Variants in PEX5L observed in about 807,000 individuals in gnomAD.
PEX5L encodes the protein peroxisomal biogenesis factor 5 like.
In PEX5L, 30 loss-of-function variants were observed where a neutral mutation model predicts 84.0. The observed-to-expected ratio is 0.36, with a 90% confidence interval of 0.27 to 0.48. PEX5L has a LOEUF of 0.48. PEX5L is among the 20% of genes least tolerant of loss of function. The probability of loss-of-function intolerance (pLI) is 0.99; values close to 1 mark genes in which losing one functional copy is unlikely to be tolerated. For missense variants in PEX5L, 533 were observed against 754.6 expected, an observed-to-expected ratio of 0.71 and a Z score of 3.44; for synonymous variants, 270 against 283.1, an observed-to-expected ratio of 0.95 and a Z score of 0.46.
intron 8 of PEX5L, among the ~76,000 whole-genome samples, chr3:179,821,976 C>T (rs560776203): frequency 3.3e-5 from 5 of 152,220 alleles, no homozygotes; most frequent in African/African-American, 1.2e-4. Context: ...TAAGGTTAAA[C>T]AACAAAACAA....
At chr3:179,936,397 A>C (rs1422763817) in intron 2 of PEX5L, among the ~76,000 whole-genome samples, 1 of 152,224 alleles carries the variant, frequency 6.6e-6, no homozygotes, top group East Asian at 1.9e-4. Flanking sequence ...GAGAAAACCT[A>C]TCTCTTGGAT....
intron 1 of PEX5L, among the ~76,000 whole-genome samples, chr3:180,006,972 A>C (rs969682323): frequency 2.0e-4 from 30 of 152,282 alleles, no homozygotes; most frequent in Non-Finnish European, 1.2e-4. Context: ...TTTCAAAATC[A>C]ATCAGATCAA....
At chr3:180,023,794 A>G (rs1790643254) in intron 1 of PEX5L, among the ~76,000 whole-genome samples, 2 of 149,256 alleles carry the variant, frequency 1.3e-5, no homozygotes, top group African/African-American at 5.2e-5. Context: ...AGAGAGAGAG[A>G]GAGGGAGAGA....
intron 2 of PEX5L, among the ~76,000 whole-genome samples, chr3:179,953,310 C>A (rs1779607488): frequency 1.3e-5 from 2 of 152,254 alleles, no homozygotes; most frequent in South Asian, 2.1e-4. Context: ...TCAGAGTGAA[C>A]AAGCAACCTA....
chr3:179,927,636 C>T (rs767165282), intron 2 of PEX5L, among the ~76,000 whole-genome samples: 1 of 151,980 alleles, frequency 6.6e-6, no homozygotes, highest in African/African-American at 2.4e-5. Context: ...TGACTTTTTC[C>T]ATTTCATTTA....
At chr3:179,866,729 T>C (rs1748336036) in intron 7 of PEX5L, among the ~76,000 whole-genome samples, 1 of 151,904 alleles carries the variant, frequency 6.6e-6, no homozygotes, top group Non-Finnish European at 1.5e-5. Flanking sequence ...ACATTTGTCA[T>C]TGAAAGTACA....
chr3:179,821,289 G>T (rs1042144039), intron 8 of PEX5L, among the ~76,000 whole-genome samples: 7 of 152,076 alleles, frequency 4.6e-5, no homozygotes, highest in Non-Finnish European at 7.4e-5. Context: ...CTGAATCTGG[G>T]ACTGAAATTC....
At chr3:179,809,073 CAAAAAAA>C (rs10684376) in intron 12 of PEX5L, among the ~76,000 whole-genome samples, 69 of 47,768 alleles carry the variant, frequency 1.4e-3, no homozygotes, top group African/African-American at 4.8e-3. Flanking sequence ...GATTCCGCCT[CAAAAAAA>C]AAAAAAAAAA....
intron 2 of PEX5L, among the ~76,000 whole-genome samples, chr3:179,967,764 G>T (rs563993112): frequency 1.3e-5 from 2 of 152,256 alleles, no homozygotes; most frequent in East Asian, 1.9e-4. Context: ...TGCATTAGTT[G>T]TTTTCTCTGA....
At chr3:179,957,015 GC>G (rs1780750736) in intron 2 of PEX5L, among the ~76,000 whole-genome samples, 1 of 152,080 alleles carries the variant, frequency 6.6e-6, no homozygotes. Context: ...GAAAAAAATT[GC>G]CTAAGGATCA....
chr3:179,863,077 C>A (rs1746797470), intron 7 of PEX5L, among the ~76,000 whole-genome samples: 1 of 152,136 alleles, frequency 6.6e-6, no homozygotes. Flanking sequence ...GCCAAGAATA[C>A]ACAATGGAGA....
At chr3:180,026,592 T>C (rs1350180154) in intron 1 of PEX5L, among the ~76,000 whole-genome samples, 1 of 152,196 alleles carries the variant, frequency 6.6e-6, no homozygotes, top group Admixed American at 6.5e-5. Context: ...GAGCAGTAGA[T>C]GGACATTGAT....
In PEX5L at chr3:179,844,644, C is replaced by T. The variant is rs553611888; in HGVS notation, c.822+14418G>A. Among the ~76,000 whole-genome samples the T allele has an allele frequency of 6.5e-3, 994 of 152,082 alleles. 4 individuals are homozygous for T. Among genetic ancestry groups the T allele is most frequent in the Non-Finnish European group, 0.01 (713 of 67,972 alleles). On this transcript the variant is annotated intron_variant, in intron 8 of 14. Transcript: ENST00000467460. ...AAGATCGAGACCATCCTGGCTAACA[C>T]GGTGAAACCCTGTCTCTACTAAAAA... is the stretch of plus-strand genomic sequence containing the variant.
At chr3:179,863,072 G>C (rs1239785461) in intron 7 of PEX5L, among the ~76,000 whole-genome samples, 1 of 152,114 alleles carries the variant, frequency 6.6e-6, no homozygotes, top group African/African-American at 2.4e-5. Flanking sequence ...AAGTTGCCAA[G>C]AATACACAAT....
At chr3:179,952,006 A>G (rs1171026938) in intron 2 of PEX5L, among the ~76,000 whole-genome samples, 1 of 152,234 alleles carries the variant, frequency 6.6e-6, no homozygotes, top group Non-Finnish European at 1.5e-5. Flanking sequence ...ATAATTTACA[A>G]TTACAAAGCA....
intron 1 of PEX5L, among the ~76,000 whole-genome samples, chr3:179,985,286 C>T (rs1786708440): frequency 6.6e-6 from 1 of 152,196 alleles, no homozygotes; most frequent in East Asian, 1.9e-4. Flanking sequence ...GCCAGGGTAG[C>T]TTTGGCTTCA....
chr3:179,980,008 G>C (rs563178050), intron 1 of PEX5L, among the ~76,000 whole-genome samples: 1 of 152,024 alleles, frequency 6.6e-6, no homozygotes, highest in Non-Finnish European at 1.5e-5. Context: ...ACTAAAACGC[G>C]ATCTCTTTAC....
intron 2 of PEX5L, among the ~76,000 whole-genome samples, chr3:179,966,794 G>A (rs1534021): frequency 0.91 from 138,434 of 152,196 alleles, 63,009 homozygotes; most frequent in East Asian, 0.98. Flanking sequence ...TCTAGTGTCC[G>A]TTGCTTTCTG....
chr3:179,917,060 T>A (rs1476768800), intron 2 of PEX5L, among the ~76,000 whole-genome samples: 2 of 147,478 alleles, frequency 1.4e-5, no homozygotes, highest in Non-Finnish European at 1.5e-5. Flanking sequence ...TTTCTGTGTA[T>A]CCTTATTCTA....
Sources: gnomAD v4.1 joint callset for allele counts (sites outside exome capture counted in the v4.1 genomes callset) on GRCh38, gnomAD v4.1.1 for gene constraint, MANE v1.5 for transcripts, NCBI Gene and HGNC (gene_info 2026-07-23, HGNC 2026-07-21) for gene names.